EYS: variants seen among roughly 807,000 people sequenced by gnomAD.
The protein encoded by EYS is EGF-like photoreceptor maintenance factor, also known as protein eyes shut homolog.
Under a neutral mutation model 282.1 loss-of-function variants are expected in EYS, and 250 were observed. That is an observed-to-expected ratio of 0.89 (90% CI 0.80 to 0.98). EYS has a LOEUF of 0.98. Among genes scored for constraint, EYS ranks in the 50% least tolerant of loss-of-function variants. The pLI, the probability that EYS is intolerant of heterozygous loss-of-function variation, is 0.00. For synonymous variants in EYS, 1,355 were observed against 1,282.9 expected, an observed-to-expected ratio of 1.06 and a Z score of -1.20; for missense variants, 4,016 against 3,709.0, an observed-to-expected ratio of 1.08 and a Z score of -2.15.
In EYS at chr6:63,963,272, A is replaced by T. The variant is rs190284304; in HGVS notation, c.7055+21111T>A. Among the ~76,000 whole-genome samples the T allele has an allele frequency of 1.8e-3, 274 of 150,356 alleles. 3 individuals are homozygous for T. In the East Asian group the frequency reaches 0.042, roughly 23 times the overall value. On this transcript the variant is annotated intron_variant, in intron 35 of 42. Transcript: ENST00000503581. Reference sequence around the variant, plus strand: ...CATGTACCCTAAAACTTAAAGTATAAAAAAAAAAGAAATGCTAATTTGAAA... The same window carrying T: ...CATGTACCCTAAAACTTAAAGTATATAAAAAAAAGAAATGCTAATTTGAAA...
At chr6:64,729,064 G>A (rs1434391020) in intron 22 of EYS, 1 of 152,612 alleles carries the variant, frequency 6.6e-6, no homozygotes, top group Admixed American at 6.5e-5. Context: ...GGAGCCTGGG[G>A]TTTTTATGGG....
intron 23 of EYS, among the ~76,000 whole-genome samples, chr6:64,619,915 G>A (rs1228962421): frequency 1.3e-5 from 2 of 152,112 alleles, no homozygotes; most frequent in Non-Finnish European, 2.9e-5. Flanking sequence ...GTTTTCTAAA[G>A]TAAATGCTCT....
intron 26 of EYS, among the ~76,000 whole-genome samples, chr6:64,462,766 A>C (rs889115233): frequency 1.3e-5 from 2 of 151,942 alleles, no homozygotes; most frequent in Non-Finnish European, 1.5e-5. Flanking sequence ...CAAATATTTT[A>C]CTAATTATTT....
At chr6:65,678,045 G>T (rs1907009) in intron 1 of EYS, among the ~76,000 whole-genome samples, 53,669 of 151,948 alleles carry the variant, frequency 0.35, 11,971 homozygotes, top group Non-Finnish European at 0.49. Context: ...GTACAAGCAT[G>T]TCTCCAGCAT....
chr6:64,351,948 G>A (rs1771657486), intron 29 of EYS, among the ~76,000 whole-genome samples: 1 of 151,510 alleles, frequency 6.6e-6, no homozygotes, highest in Admixed American at 6.6e-5. Context: ...ATTCCTGTGA[G>A]CTAAAATGTA....
intron 5 of EYS, among the ~76,000 whole-genome samples, chr6:65,441,249 CT>C (rs1768314340): frequency 6.6e-6 from 1 of 151,364 alleles, no homozygotes; most frequent in South Asian, 2.1e-4. Flanking sequence ...CATTATGTCT[CT>C]TCAGGATTTA....
At chr6:64,251,480 C>A (rs762722322) in intron 30 of EYS, among the ~76,000 whole-genome samples, 7 of 152,042 alleles carry the variant, frequency 4.6e-5, no homozygotes, top group Non-Finnish European at 8.8e-5. Flanking sequence ...GGATTCACTT[C>A]AAAGAAGAAG....
At chr6:63,826,153 C>G (rs907208544) in intron 36 of EYS, among the ~76,000 whole-genome samples, 10 of 152,080 alleles carry the variant, frequency 6.6e-5, no homozygotes, top group African/African-American at 2.4e-4. Flanking sequence ...AAGTTCAGAG[C>G]TCAAAGACAA....
chr6:64,756,594 G>A (rs1358335548), intron 22 of EYS, among the ~76,000 whole-genome samples: 3 of 152,060 alleles, frequency 2.0e-5, no homozygotes, highest in Non-Finnish European at 4.4e-5. Context: ...TAAAGGACAA[G>A]GACAATTATA....
At chr6:64,718,045 C>A (rs1317764996) in intron 22 of EYS, among the ~76,000 whole-genome samples, 2 of 152,158 alleles carry the variant, frequency 1.3e-5, no homozygotes, top group African/African-American at 4.8e-5. Flanking sequence ...CTGCCTCTTA[C>A]TACAGTTAGT....
intron 31 of EYS, among the ~76,000 whole-genome samples, chr6:64,187,987 T>A (rs2150315085): frequency 6.6e-6 from 1 of 152,270 alleles, no homozygotes; most frequent in Admixed American, 6.5e-5. Context: ...AAAATATTTC[T>A]GTAACATACA....
chr6:64,391,612 G>C (rs576849771), intron 28 of EYS, among the ~76,000 whole-genome samples: 69 of 152,116 alleles, frequency 4.5e-4, no homozygotes, highest in African/African-American at 1.5e-3. Flanking sequence ...CCCTAAAAGA[G>C]CTCCTGAAGG....
At chr6:65,212,739 G>A (rs1304014346) in intron 12 of EYS, among the ~76,000 whole-genome samples, 1 of 151,944 alleles carries the variant, frequency 6.6e-6, no homozygotes, top group Non-Finnish European at 1.5e-5. Context: ...GAAAATTTAT[G>A]TATAAGAAGA....
intron 12 of EYS, among the ~76,000 whole-genome samples, chr6:65,249,685 T>C (rs1037105964): frequency 7.2e-5 from 11 of 152,020 alleles, no homozygotes; most frequent in Admixed American, 3.9e-4. Context: ...TTAAAACACA[T>C]TTATTGTGTG....
intron 12 of EYS, among the ~76,000 whole-genome samples, chr6:65,204,235 G>A (rs1391350645): frequency 6.6e-6 from 1 of 151,932 alleles, no homozygotes; most frequent in African/African-American, 2.4e-5. Flanking sequence ...TATACAGAAT[G>A]TACATTACCA....
intron 22 of EYS, among the ~76,000 whole-genome samples, chr6:64,700,982 T>G (rs1770766458): frequency 6.6e-6 from 1 of 152,046 alleles, no homozygotes; most frequent in African/African-American, 2.4e-5. Flanking sequence ...ACTACAAGGC[T>G]ATAGTAACCC....
intron 15 of EYS, among the ~76,000 whole-genome samples, chr6:64,928,484 C>G (rs1413378434): frequency 6.6e-6 from 1 of 152,074 alleles, no homozygotes; most frequent in African/African-American, 2.4e-5. Flanking sequence ...AACATTGAAT[C>G]TGAAACAAAC....
chr6:65,632,200 T>G (rs1766938042), intron 2 of EYS, among the ~76,000 whole-genome samples: 1 of 152,134 alleles, frequency 6.6e-6, no homozygotes, highest in South Asian at 2.1e-4. Flanking sequence ...CCTGTTACAA[T>G]GCTGAATGCA....
intron 14 of EYS, among the ~76,000 whole-genome samples, chr6:64,976,696 T>C (rs1242676585): frequency 6.6e-6 from 1 of 151,950 alleles, no homozygotes; most frequent in Non-Finnish European, 1.5e-5. Flanking sequence ...ATTTAGAACA[T>C]AGCAGCCATT....
Sources: allele counts gnomAD v4.1 joint callset (sites outside exome capture counted in the v4.1 genomes callset), GRCh38; gene constraint gnomAD v4.1.1; transcripts MANE v1.5; gene names NCBI Gene and HGNC (gene_info 2026-07-23, HGNC 2026-07-21).